The following POLE variants were observed in gnomAD, a reference collection of about 807,000 sequenced individuals.
The protein encoded by POLE is DNA polymerase epsilon, catalytic subunit, also known as DNA polymerase epsilon catalytic subunit A.
In POLE, 188 loss-of-function variants were observed where a neutral mutation model predicts 279.2. That is an observed-to-expected ratio of 0.67 (90% CI 0.60 to 0.76). The LOEUF (loss-of-function observed/expected upper bound fraction) is 0.76, where lower values mean the gene tolerates loss of function less well. POLE is among the 30% of genes least tolerant of loss of function. The pLI is 0.00. For synonymous variants in POLE, 1,214 were observed against 1,172.5 expected (o/e 1.04, Z -0.72); for missense variants, 2,703 against 3,016.7 (o/e 0.90, Z 2.44).
At chr12:132,672,355 G>A (rs780130153) in intron 15 of POLE, 33 bp from the exon 16 acceptor site, 1 of 1,537,810 alleles carries the variant, frequency 6.5e-7, no homozygotes, top group South Asian at 1.1e-5. Context: ...GGGTCAGAGG[G>A]GAAACACACC....
At chr12:132,631,295 G>A (rs1010072888) in intron 45 of POLE, among the ~76,000 whole-genome samples, 3 of 152,162 alleles carry the variant, frequency 2.0e-5, no homozygotes, top group African/African-American at 7.2e-5. Context: ...CAGGTGAGGA[G>A]GGCAGTGCGG....
chr12:132,657,518 T>C, intron 27 of POLE, 89 bp from the exon 28 acceptor site: 1 of 1,072,168 alleles, frequency 9.3e-7, no homozygotes, highest in South Asian at 1.4e-5. Flanking sequence ...GGCTAACCAC[T>C]GTGTCTTATT....
intron 29 of POLE, among the ~76,000 whole-genome samples, chr12:132,653,292 G>T (rs914919060): frequency 1.3e-5 from 2 of 152,190 alleles, no homozygotes; most frequent in Non-Finnish European, 2.9e-5. Context: ...GGAGGATAAC[G>T]TGAGATTAAG....
At chr12:132,687,117 C>A in intron 1 of POLE, 137 bp downstream of exon 1, 1 of 459,660 alleles carries the variant, frequency 2.2e-6, no homozygotes, top group Non-Finnish European at 3.3e-6. Context: ...GCGCGCCGCC[C>A]TACCCCAGTC....
At chr12:132,625,511 C>T (rs755403649) in intron 47 of POLE, 134 bp downstream of exon 47, 86 of 1,109,592 alleles carry the variant, frequency 7.8e-5, no homozygotes, top group Admixed American at 2.1e-4. Context: ...AGGGCATGGA[C>T]TGGTCTGCAG....
At position 132,657,340 on chromosome 12, in the gene POLE, C is replaced by T. The variant is rs745555988; in HGVS notation, c.3459+9G>A. 2.2e-5 allele frequency: 36 copies of T among 1,613,946 alleles called. No individual in the cohort carries two copies. Among genetic ancestry groups the T allele is most frequent in the Middle Eastern group, 1.6e-4 (1 of 6,084 alleles). ...GCCCCACAGCCCGTGCCACTGACCC[C>T]GCCCTTACCTGCTGCAGGGCCGCAG... On this transcript the variant is annotated intron_variant, in intron 28 of 48. Transcript: ENST00000320574.
chr12:132,667,523 C>T lies in POLE; in HGVS notation c.2299G>A (p.Glu767Lys), dbSNP rs1565964543. 11 of 1,614,080 alleles carry T rather than the reference C, an allele frequency of 6.8e-6. No individual in the cohort carries two copies. Among genetic ancestry groups the T allele is most frequent in the Non-Finnish European group, 7.6e-6 (9 of 1,180,030 alleles). ...TVRAFRDRRY[E>K]FKGLHKVWKK... ...CTCACCTTGTGGAGCCCTTTGAACT[C>T]GTAACGCCTGTCCCGGAAGGCACGC... is the stretch of plus-strand genomic sequence containing the variant. The change falls in exon 20 of 49, where the codon GAG becomes AAG. Residue 767 changes from glutamate (E) to lysine (K), a missense_variant. Transcript: ENST00000320574.
chr12:132,633,162 CT>C (rs35854836), intron 43 of POLE: 91,514 of 146,036 alleles, frequency 0.63, 28,605 homozygotes, highest in East Asian at 0.78. Flanking sequence ...GGCACTTACC[CT>C]TTTTTTTTTT....
chr12:132,634,768 G>A lies in POLE; in HGVS notation c.5812-390C>T, dbSNP rs1054319558. On this transcript the variant is annotated intron_variant, in intron 42 of 48. Transcript: ENST00000320574. This position sits in a 1 kb window ranked among gnomAD's most constrained non-coding sequence, Gnocchi z 4.0. ...CCCCATCACAGACCCAGCCTCCCGCGCAGCCTGTGTTCGTGCCACGGCACC... is the reference window on the plus strand; with the variant it reads ...CCCCATCACAGACCCAGCCTCCCGCACAGCCTGTGTTCGTGCCACGGCACC... Among the ~76,000 whole-genome samples, 7 of 152,036 alleles carry A rather than the reference G, an allele frequency of 4.6e-5. No individual in the cohort carries two copies. Among genetic ancestry groups the A allele is most frequent in the Non-Finnish European group, 8.8e-5 (6 of 68,010 alleles).
In POLE at chr12:132,676,200, T is replaced by C; in HGVS notation, c.914A>G (p.Tyr305Cys). ...AACAATCTCCCTGTTGGTGATGAGG[T>C]AGCCCTAGCCAAGTTCATTAGCAAT... ...MISYMIDGQG[Y>C]LITNREIVSE... Residue 305 changes from tyrosine (Y) to cysteine (C), a missense_variant, in exon 10 of 49, where the codon TAC (tyrosine) becomes TGC (cysteine). Physicochemically the swap from Tyr to Cys is radical, Grantham distance 194 (BLOSUM62 -2). Coordinates refer to ENST00000320574, the MANE Select transcript of POLE (RefSeq NM_006231.4). 6.2e-7 allele frequency: 1 copy of C among 1,610,554 alleles called. No individual in the cohort carries two copies. Among genetic ancestry groups the C allele is most frequent in the South Asian group, 1.1e-5 (1 of 90,892 alleles).
intron 32 of POLE, among the ~76,000 whole-genome samples, chr12:132,647,119 GCCTACCGTGTACCTTAACATA>G (rs999645194): frequency 9.2e-5 from 14 of 152,050 alleles, no homozygotes; most frequent in Non-Finnish European, 1.8e-4. Flanking sequence ...TAAAGTGAGG[GCCTACCGTGTACCTTAACATA>G]CCTAACGTGT....
In POLE at chr12:132,624,296, G is replaced by A. The variant is rs2041785036; in HGVS notation, c.*401C>T. 3.6e-6 allele frequency: 1 copy of A among 280,152 alleles called. No homozygotes were observed. Among genetic ancestry groups the A allele is most frequent in the Admixed American group, 4.7e-5 (1 of 21,200 alleles). 17.4% of individuals were successfully genotyped at this position (280,152 alleles called of 1,614,324 possible). On this transcript the variant is annotated 3_prime_UTR_variant, in exon 49 of 49. Coordinates refer to ENST00000320574, the MANE Select transcript of POLE (RefSeq NM_006231.4). The stretch of plus-strand genomic sequence containing the variant: ...CTCAGAGCCCAATCTCAGGGAGCCA[G>A]AAGCCCCCAGGGGCTTTTCCTCCCT...
intron 25 of POLE, chr12:132,660,039 T>C (rs879352645): frequency 3.8e-5 from 6 of 159,696 alleles, no homozygotes; most frequent in Admixed American, 3.5e-4. Context: ...AAGAATTTAC[T>C]GAAGAGCACC....
intron 30 of POLE, 22 bp downstream of exon 30, chr12:132,649,655 G>T: frequency 6.2e-7 from 1 of 1,612,388 alleles, no homozygotes; most frequent in Non-Finnish European, 8.5e-7. Context: ...GAGACAGACA[G>T]TATCACAGCT....
intron 45 of POLE, 70 bp from the exon 46 acceptor site, chr12:132,626,387 C>T (rs1359787451): frequency 1.4e-6 from 2 of 1,427,108 alleles, no homozygotes; most frequent in Admixed American, 1.7e-5. Context: ...TGGACCAGAA[C>T]CCTCTGGACC....
intron 6 of POLE, among the ~76,000 whole-genome samples, chr12:132,678,609 G>A (rs2043107182): frequency 6.6e-6 from 1 of 152,048 alleles, no homozygotes; most frequent in African/African-American, 2.4e-5. Flanking sequence ...AAAAAAGAAA[G>A]AAAACATTAA....
At chr12:132,629,514 T>C (rs1456037068) in intron 45 of POLE, among the ~76,000 whole-genome samples, 2 of 152,224 alleles carry the variant, frequency 1.3e-5, no homozygotes, top group African/African-American at 4.8e-5. Context: ...TCATTTGCCC[T>C]TTTATGTTAC....
At chr12:132,644,674 G>C (rs1432648172) in intron 32 of POLE, among the ~76,000 whole-genome samples, 1 of 152,058 alleles carries the variant, frequency 6.6e-6, no homozygotes, top group Admixed American at 6.6e-5. Context: ...TGTGTGTGTG[G>C]GGTCCTGGGG....
chr12:132,682,297 A>AT (rs1565982729), intron 1 of POLE, among the ~76,000 whole-genome samples: 9 of 74,244 alleles, frequency 1.2e-4, no homozygotes, highest in Admixed American at 2.8e-4. Context: ...CCGGCAAAAA[A>AT]AAAAAAATAA....
Sources: allele counts gnomAD v4.1 joint callset (sites outside exome capture counted in the v4.1 genomes callset), GRCh38; gene constraint gnomAD v4.1.1; non-coding constraint Gnocchi (gnomAD v3.1); transcripts MANE v1.5; gene names NCBI Gene and HGNC (gene_info 2026-07-23, HGNC 2026-07-21).